LRP5: variants seen among roughly 807,000 people sequenced by gnomAD.
The protein encoded by LRP5 is low-density lipoprotein receptor-related protein 5.
A neutral mutation model predicts 154.1 loss-of-function variants in LRP5; 62 were observed. The ratio of observed to expected loss-of-function variants is 0.40; its 90% CI spans 0.33 to 0.50. The LOEUF (loss-of-function observed/expected upper bound fraction) is 0.50. Ranked by LOEUF, LRP5 falls within the 20% of genes least tolerant of loss-of-function variation. LRP5 has a pLI of 0.55. For synonymous variants in LRP5, 966 were observed against 1,011.5 expected, an observed-to-expected ratio of 0.96 and a Z score of 0.85; for missense variants, 1,915 against 2,336.7, an observed-to-expected ratio of 0.82 and a Z score of 3.72.
At chr11:68,374,274 C>T (rs561456307) in intron 5 of LRP5, among the ~76,000 whole-genome samples, 6 of 152,268 alleles carry the variant, frequency 3.9e-5, no homozygotes, top group East Asian at 1.9e-4. Flanking sequence ...AGCTCGGGGC[C>T]GAATAACGGG....
chr11:68,351,897 T>C (rs1367430008), intron 2 of LRP5, among the ~76,000 whole-genome samples: 1 of 152,054 alleles, frequency 6.6e-6, no homozygotes, highest in Non-Finnish European at 1.5e-5. Flanking sequence ...TGTGGCTGTC[T>C]GGGGGCAGCG....
rs1313935277 is a variant in LRP5, at chr11:68,423,464, G to C, written c.3028-25G>C. Reference sequence around the variant, plus strand: ...CCCAGGGGTCTCCGCCAGTGCTCAGGAGTCTTGGTTTCTTTGTCTTACAGC... The same window carrying C: ...CCCAGGGGTCTCCGCCAGTGCTCAGCAGTCTTGGTTTCTTTGTCTTACAGC... On this transcript the variant is annotated intron_variant, in intron 13 of 22. Coordinates refer to ENST00000294304, the MANE Select transcript of LRP5 (RefSeq NM_002335.4). This position sits in a 1 kb window ranked among gnomAD's most constrained non-coding sequence, Gnocchi z 4.7. The C allele has an allele frequency of 6.2e-7, 1 of 1,608,952 alleles. No individual in the cohort carries two copies. The highest frequency in any genetic ancestry group is 8.5e-7 in the Non-Finnish European group (1 of 1,175,470).
intron 5 of LRP5, among the ~76,000 whole-genome samples, chr11:68,375,680 C>G (rs2098636963): frequency 6.6e-6 from 1 of 152,234 alleles, no homozygotes; most frequent in Non-Finnish European, 1.5e-5. Context: ...TCGGTAACAC[C>G]TTCAAGAGGG....
At chr11:68,314,686 C>T (rs992915845) in intron 1 of LRP5, among the ~76,000 whole-genome samples, 1 of 152,238 alleles carries the variant, frequency 6.6e-6, no homozygotes, top group South Asian at 2.1e-4. Flanking sequence ...AGTGCTTGTT[C>T]CAGGGCCGGC....
Position 68,413,906 on chromosome 11 carries a change from G to A in LRP5, c.2721G>A (p.Met907Ile), listed in dbSNP as rs757489082. The A allele has an allele frequency of 6.2e-7, 1 of 1,612,710 alleles. No homozygotes were observed. The highest frequency in any genetic ancestry group is 8.5e-7 in the Non-Finnish European group (1 of 1,180,032). The stretch of plus-strand genomic sequence containing the variant: ...GCCAGGATGGCCTCAATGACTGTAT[G>A]CACAACAACGGGCAGTGTGGGCAGC... ...SSRQDGLNDC[M>I]HNNGQCGQLC... The change falls in exon 12 of 23, where the codon ATG becomes ATA. Residue 907 changes from methionine (M) to isoleucine (I), a missense_variant. Transcript: ENST00000294304. This position sits in a 1 kb window ranked among gnomAD's most constrained non-coding sequence, Gnocchi z 5.1.
intron 12 of LRP5, among the ~76,000 whole-genome samples, chr11:68,414,271 A>G (rs2098661284): frequency 6.6e-6 from 1 of 152,114 alleles, no homozygotes; most frequent in African/African-American, 2.4e-5. Flanking sequence ...GGGTGTGAAA[A>G]CCAGTCACAG....
chr11:68,349,723 CCCAGCTCCACTGG>C (rs1390576766), intron 2 of LRP5, among the ~76,000 whole-genome samples: 2 of 152,110 alleles, frequency 1.3e-5, no homozygotes, highest in Middle Eastern at 3.2e-3. Context: ...GGGGAGGTGG[CCCAGCTCCACTGG>C]CCAGCTAGGC....
rs1185763095 is a variant in LRP5 at position 68,365,587 on chromosome 11, G to A, written c.900G>A (p.Glu300=). ...ERQPFFHTRC[E]EDNGGCSHLC... is the part of the protein sequence containing the mutation. ...TTTTCTCAGTCCACACTCGCTGTGAGGAGGACAATGGCGGCTGCTCCCACC... is the reference window on the plus strand; with the variant it reads ...TTTTCTCAGTCCACACTCGCTGTGAAGAGGACAATGGCGGCTGCTCCCACC... Residue 300 remains glutamate (E), a synonymous_variant, in exon 5 of 23, where the codon GAG becomes GAA. Transcript: ENST00000294304. The A allele has an allele frequency of 6.2e-7, 1 of 1,614,080 alleles. No homozygotes were observed. Among genetic ancestry groups the A allele is most frequent in the Admixed American group, 1.7e-5 (1 of 60,022 alleles).
chr11:68,360,996 CAAAAAAAAAAA>C (rs71043425), intron 3 of LRP5, among the ~76,000 whole-genome samples: 6 of 15,758 alleles, frequency 3.8e-4, no homozygotes, highest in African/African-American at 1.1e-3. Flanking sequence ...GACTCTATCT[CAAAAAAAAAAA>C]AAAAAAAAAA....
chr11:68,311,315 A>G (rs1308929986), upstream of LRP5, among the ~76,000 whole-genome samples: 1 of 152,082 alleles, frequency 6.6e-6, no homozygotes, highest in Non-Finnish European at 1.5e-5. Flanking sequence ...CACCAGCTCC[A>G]GCTCATGGCC....
At chr11:68,337,959 G>T (rs569617676) in intron 1 of LRP5, among the ~76,000 whole-genome samples, 6 of 152,180 alleles carry the variant, frequency 3.9e-5, no homozygotes, top group Non-Finnish European at 8.8e-5. Flanking sequence ...TCCATCCCCA[G>T]GCTCCAGGCA....
At chr11:68,446,576 C>T in intron 22 of LRP5, 43 bp downstream of exon 22, 1 of 1,531,178 alleles carries the variant, frequency 6.5e-7, no homozygotes, top group South Asian at 1.1e-5. Flanking sequence ...TGGGTTCCCG[C>T]CAGCCCGTGG....
rs752625747 is a variant in LRP5 at position 68,389,996 on chromosome 11, C to G, written c.1528C>G (p.Leu510Val). 1.9e-6 allele frequency: 3 copies of G among 1,614,106 alleles called. No individual in the cohort carries two copies. Among genetic ancestry groups the G allele is most frequent in the Admixed American group, 1.7e-5 (1 of 59,992 alleles). The change falls in exon 7 of 23, where the codon CTG becomes GTG. Residue 510 changes from leucine (L) to valine (V), a missense_variant. Coordinates refer to ENST00000294304, the MANE Select transcript of LRP5 (RefSeq NM_002335.4). ...CCTCGGGTGGCCCAACGGCCTGGCC[C>G]TGGACCTGCAGGAGGGGAAGCTCTA... is the stretch of plus-strand genomic sequence containing the variant. ...ASLGWPNGLA[L>V]DLQEGKLYWG...
intron 16 of LRP5, among the ~76,000 whole-genome samples, chr11:68,428,110 A>C (rs1321304809): frequency 2.6e-5 from 4 of 151,826 alleles, no homozygotes; most frequent in African/African-American, 9.7e-5. Flanking sequence ...CTCCTACCTC[A>C]GCCTTCCAAG....
rs186995887 is a variant in LRP5, at chr11:68,360,205, C to T, written c.686+2358C>T. 1.8e-4 allele frequency among the ~76,000 whole-genome samples: 28 copies of T among 152,276 alleles called. No homozygotes were observed. In the East Asian group the frequency reaches 4.1e-3, roughly 22 times the overall value. On this transcript the variant is annotated intron_variant, in intron 3 of 22. Coordinates refer to ENST00000294304, the MANE Select transcript of LRP5 (RefSeq NM_002335.4). The stretch of plus-strand genomic sequence containing the variant: ...TTATTTGGTATTTTTTTTGTAGAGA[C>T]GAGGTTTCACCATGTTGCCCAGGCT...
At chr11:68,365,177 T>C (rs1037594166) in intron 4 of LRP5, among the ~76,000 whole-genome samples, 1 of 151,924 alleles carries the variant, frequency 6.6e-6, no homozygotes, top group African/African-American at 2.4e-5. Context: ...CATTGGAGCG[T>C]GGGGGGCAGC....
At chr11:68,304,945 C>T in the LRP5 span, among the ~76,000 whole-genome samples, 554 of 152,180 alleles carry the variant, frequency 3.6e-3, 2 homozygotes, top group South Asian at 0.014. Context: ...TCAGATGAGA[C>T]GTTGGACTTG....
chr11:68,326,563 T>C (rs1327889554), intron 1 of LRP5, among the ~76,000 whole-genome samples: 5 of 152,252 alleles, frequency 3.3e-5, no homozygotes, highest in Non-Finnish European at 5.9e-5. Flanking sequence ...GACCAGGCCC[T>C]GTGCGCAGTT....
chr11:68,413,833 A>C lies in LRP5; in HGVS notation c.2648A>C (p.Gln883Pro). The change falls in exon 12 of 23, where the codon CAG becomes CCG. Residue 883 changes from glutamine to proline, a missense_variant. Gln to Pro is a moderately conservative substitution (Grantham distance 76). Coordinates refer to ENST00000294304, the MANE Select transcript of LRP5 (RefSeq NM_002335.4). The surrounding 1 kb of genome is among the most constrained non-coding windows in gnomAD (Gnocchi z 5.1). The stretch of plus-strand genomic sequence containing the variant: ...AGCGGCCGGAACCGCACCCTCATCC[A>C]GGGCCACCTGGACTTCGTGATGGAC... ...KTSGRNRTLI[Q>P]GHLDFVMDIL... 1 of 1,613,742 alleles carries C rather than the reference A, an allele frequency of 6.2e-7. No individual in the cohort carries two copies. Among genetic ancestry groups the C allele is most frequent in the Non-Finnish European group, 8.5e-7 (1 of 1,180,020 alleles).
Sources: gnomAD v4.1 joint callset for allele counts (sites outside exome capture counted in the v4.1 genomes callset) on GRCh38, gnomAD v4.1.1 for gene constraint, Gnocchi (gnomAD v3.1) non-coding constraint, MANE v1.5 for transcripts, NCBI Gene and HGNC (gene_info 2026-07-23, HGNC 2026-07-21) for gene names.